Variants in ADAM22 observed in about 807,000 individuals in gnomAD.
The protein encoded by ADAM22 is disintegrin and metalloproteinase domain-containing protein 22.
A neutral mutation model predicts 144.6 loss-of-function variants in ADAM22; 65 were observed. The observed-to-expected ratio is 0.45, with a 90% confidence interval of 0.37 to 0.55. The LOEUF is 0.55. Ranked by LOEUF, ADAM22 falls within the 20% of genes least tolerant of loss-of-function variation. The pLI, the probability that ADAM22 is intolerant of heterozygous loss-of-function variation, is 0.00. For synonymous variants in ADAM22, 391 were observed against 412.6 expected, an observed-to-expected ratio of 0.95 and a Z score of 0.63; for missense variants, 974 against 1,184.9, an observed-to-expected ratio of 0.82 and a Z score of 2.61.
At chr7:87,975,936 A>G (rs1851803478) in intron 2 of ADAM22, among the ~76,000 whole-genome samples, 2 of 152,182 alleles carry the variant, frequency 1.3e-5, no homozygotes, top group Admixed American at 6.5e-5. Flanking sequence ...TAGGAAACTC[A>G]AAGAGCTTTA....
intron 3 of ADAM22, among the ~76,000 whole-genome samples, chr7:87,994,247 C>T (rs372925052): frequency 6.6e-6 from 1 of 151,924 alleles, no homozygotes; most frequent in East Asian, 1.9e-4. Flanking sequence ...CTGCAAGCTC[C>T]GCCTCCTGGT....
chr7:87,984,608 T>G (rs1854497834), intron 3 of ADAM22, among the ~76,000 whole-genome samples: 1 of 152,192 alleles, frequency 6.6e-6, no homozygotes, highest in Non-Finnish European at 1.5e-5. Flanking sequence ...CTCTAAAATT[T>G]CCCCGTTCCT....
At chr7:88,114,025 CGTT>C (rs1381687425) in intron 5 of ADAM22, among the ~76,000 whole-genome samples, 2 of 151,748 alleles carry the variant, frequency 1.3e-5, no homozygotes, top group Admixed American at 6.6e-5. Context: ...TAAGGATAGT[CGTT>C]GTACTTCTCT....
chr7:88,145,254 C>G (rs965318738), intron 16 of ADAM22, 58 bp downstream of exon 16: 33 of 1,576,600 alleles, frequency 2.1e-5, no homozygotes, highest in Non-Finnish European at 2.3e-5. Flanking sequence ...ATTCCAGGTC[C>G]ACACACTGAG....
intron 3 of ADAM22, among the ~76,000 whole-genome samples, chr7:88,028,866 C>T (rs1585112831): frequency 6.6e-6 from 1 of 152,038 alleles, no homozygotes; most frequent in East Asian, 1.9e-4. Flanking sequence ...TATCTTTTTC[C>T]ATCCTTTTAT....
chr7:88,180,554 C>G (rs1189297824), intron 27 of ADAM22, among the ~76,000 whole-genome samples: 1 of 151,864 alleles, frequency 6.6e-6, no homozygotes, highest in Non-Finnish European at 1.5e-5. Context: ...TATTATTATT[C>G]CATTAACCAG....
At chr7:88,038,404 G>A (rs553660716) in intron 3 of ADAM22, among the ~76,000 whole-genome samples, 6 of 149,970 alleles carry the variant, frequency 4.0e-5, no homozygotes, top group South Asian at 2.1e-4. Flanking sequence ...ATATAAGCAC[G>A]CTCTAAAAAA....
At chr7:87,994,253 C>T (rs959396234) in intron 3 of ADAM22, among the ~76,000 whole-genome samples, 13 of 151,998 alleles carry the variant, frequency 8.6e-5, no homozygotes, top group African/African-American at 3.1e-4. Flanking sequence ...GCTCCGCCTC[C>T]TGGTTCACGC....
intron 6 of ADAM22, 107 bp downstream of exon 6, chr7:88,114,754 G>A: frequency 1.1e-5 from 11 of 1,040,746 alleles, no homozygotes; most frequent in Non-Finnish European, 1.3e-5. Context: ...ATTTTTTAGG[G>A]TTAAGATAGT....
In ADAM22 at chr7:88,133,396, AAAT is replaced by A. The variant is rs1832276203; in HGVS notation, c.1077+448_1077+450del. Among the ~76,000 whole-genome samples the A allele has an allele frequency of 5.3e-5, 8 of 150,984 alleles. 1 individual carries two copies. The South Asian group carries it at 8.3e-4, about 16-fold the overall frequency. On this transcript the variant is annotated intron_variant, in intron 12 of 31. Coordinates refer to ENST00000413139, the MANE Select transcript of ADAM22 (RefSeq NM_001324418.2). The stretch of plus-strand genomic sequence containing the variant: ...TAAATAAATAAATAAATAAATAAAT[AAAT>A]AAAATTAAAAATATAAAAAACTAAT...
chr7:88,074,169 G>A (rs1483500997), intron 3 of ADAM22, among the ~76,000 whole-genome samples: 3 of 152,080 alleles, frequency 2.0e-5, no homozygotes, highest in Non-Finnish European at 2.9e-5. Context: ...TGTCGAAGCT[G>A]AAAAACCCCC....
Position 88,164,424 on chromosome 7 carries a change from A to C in ADAM22, c.2076+1244A>C, listed in dbSNP as rs1299703354. ...TTATGTATTCACAATAATTATGCAT[A>C]ATTATATTTGGGGTAATTTTAACTT... On this transcript the variant is annotated intron_variant, in intron 23 of 31. Transcript: ENST00000413139. Among the ~76,000 whole-genome samples, 7 of 152,210 alleles carry C rather than the reference A, an allele frequency of 4.6e-5. No homozygotes were observed. In the South Asian group the frequency reaches 1.4e-3, roughly 32 times the overall value.
rs186659827 is a variant in ADAM22, at chr7:87,977,555, G to A, written c.247-781G>A. On this transcript the variant is annotated intron_variant, in intron 2 of 31. Coordinates refer to ENST00000413139, the MANE Select transcript of ADAM22 (RefSeq NM_001324418.2). ...TTTGGAGTCCTACTGTTTGGATATAGCTACTGTTCATATTTGGTGAGTCGA... is the reference window on the plus strand; with the variant it reads ...TTTGGAGTCCTACTGTTTGGATATAACTACTGTTCATATTTGGTGAGTCGA... Among the ~76,000 whole-genome samples the A allele has an allele frequency of 2.0e-3, 303 of 152,298 alleles. 11 individuals carry two copies. Among genetic ancestry groups the A allele is most frequent in the Admixed American group, 0.019 (288 of 15,298 alleles).
intron 4 of ADAM22, chr7:88,089,810 C>T (rs1441077448): frequency 6.6e-6 from 1 of 152,192 alleles, no homozygotes; most frequent in Non-Finnish European, 1.5e-5. Flanking sequence ...AAGTTTCAGG[C>T]ATTTTCCTTG....
At chr7:88,123,346 T>G (rs1213647467) in intron 7 of ADAM22, among the ~76,000 whole-genome samples, 2 of 152,028 alleles carry the variant, frequency 1.3e-5, no homozygotes, top group African/African-American at 4.8e-5. Context: ...CCTTAAATCT[T>G]TGGTAGAATT....
chr7:87,938,668 T>C (rs1041068662), intron 2 of ADAM22, among the ~76,000 whole-genome samples: 4 of 152,158 alleles, frequency 2.6e-5, no homozygotes, highest in African/African-American at 4.8e-5. Context: ...TCTTTTGAGA[T>C]GGAGTCTCAC....
chr7:87,941,637 C>T (rs1011906326), intron 2 of ADAM22, among the ~76,000 whole-genome samples: 2 of 152,104 alleles, frequency 1.3e-5, no homozygotes, highest in African/African-American at 2.4e-5. Flanking sequence ...TACCAACCAT[C>T]TTCTTTTCCA....
intron 3 of ADAM22, among the ~76,000 whole-genome samples, chr7:88,073,038 C>T (rs1813241637): frequency 6.6e-6 from 1 of 152,276 alleles, no homozygotes; most frequent in South Asian, 2.1e-4. Flanking sequence ...GGATGTACAA[C>T]AGGTACTTTC....
chr7:88,190,655 G>A (rs555962619), intron 30 of ADAM22, among the ~76,000 whole-genome samples: 18 of 152,310 alleles, frequency 1.2e-4, no homozygotes, highest in Middle Eastern at 3.4e-3. Flanking sequence ...AGCCAGGCTG[G>A]AACTGCCGGG....
Sources: gnomAD v4.1 joint callset for allele counts (sites outside exome capture counted in the v4.1 genomes callset) on GRCh38, gnomAD v4.1.1 for gene constraint, MANE v1.5 for transcripts, NCBI Gene and HGNC (gene_info 2026-07-23, HGNC 2026-07-21) for gene names.